PLEC: variants seen among roughly 807,000 people sequenced by gnomAD.
PLEC encodes plectin.
In PLEC, 216 loss-of-function variants were observed where a neutral mutation model predicts 392.8. The ratio of observed to expected loss-of-function variants is 0.55; its 90% CI spans 0.49 to 0.62. The LOEUF (loss-of-function observed/expected upper bound fraction) is 0.62. Among genes scored for constraint, PLEC ranks in the 20% least tolerant of loss-of-function variants. The probability of loss-of-function intolerance (pLI) is 0.00; values close to 1 mark genes in which losing one functional copy is unlikely to be tolerated. For synonymous variants in PLEC, 3,621 were observed against 2,980.6 expected, an observed-to-expected ratio of 1.21 and a Z score of -7.00; for missense variants, 6,863 against 6,563.4, an observed-to-expected ratio of 1.05 and a Z score of -1.58.
At position 143,918,908 on chromosome 8, in the gene PLEC, G is replaced by A. The variant is rs534134741; in HGVS notation, c.10913C>T (p.Ala3638Val). 17 of 1,611,308 alleles carry A rather than the reference G, an allele frequency of 1.1e-5. No individual in the cohort carries two copies. Among genetic ancestry groups the A allele is most frequent in the Non-Finnish European group, 1.3e-5 (15 of 1,180,002 alleles). The change falls in exon 32 of 32, where the codon GCC becomes GTC. Residue 3638 changes from alanine (A) to valine (V), a missense_variant. Coordinates refer to ENST00000345136, the MANE Select transcript of PLEC (RefSeq NM_201384.3). ...KTEIIRQQGL[A>V]SYDYVRRRLT... ...GCGGCGGCGCACGTAGTCGTAGGAG[G>A]CCAGACCCTGCTGGCGGATGATCTC... is the stretch of plus-strand genomic sequence containing the variant.
At chr8:143,947,739 G>A (rs1339955154) in intron 1 of PLEC, among the ~76,000 whole-genome samples, 2 of 152,188 alleles carry the variant, frequency 1.3e-5, no homozygotes, top group African/African-American at 4.8e-5. Context: ...AACAGAGCGG[G>A]ACTCCATCTC....
chr8:143,974,821 C>G (rs1265167423), upstream of PLEC, among the ~76,000 whole-genome samples: 4 of 152,246 alleles, frequency 2.6e-5, no homozygotes, highest in African/African-American at 9.6e-5. This position sits in a 1 kb window ranked among gnomAD's most constrained non-coding sequence, Gnocchi z 5.9. Context: ...GGTACCCCCT[C>G]CCTATACACT....
At chr8:143,975,435 G>A, upstream of PLEC, 1 of 1,432,824 alleles carries the variant, frequency 7.0e-7, no homozygotes, top group Non-Finnish European at 9.7e-7. The surrounding 1 kb of genome is among the most constrained non-coding windows in gnomAD (Gnocchi z 9.9). Context: ...TCTGCACGCC[G>A]ACCCACCCAC....
intron 11 of PLEC, 72 bp from the exon 12 acceptor site, chr8:143,934,163 G>A (rs972213072): frequency 5.2e-5 from 82 of 1,585,696 alleles, no homozygotes; most frequent in Admixed American, 2.2e-4. Context: ...ACTGCAGCTC[G>A]CCTCCCGCTC....
At chr8:143,940,119 T>C (rs78686827), upstream of PLEC, among the ~76,000 whole-genome samples, 29 of 152,304 alleles carry the variant, frequency 1.9e-4, no homozygotes, top group East Asian at 5.6e-3. Context: ...CAGACCTGCA[T>C]GAAGCGGGGA....
intron 18 of PLEC, 21 bp from the exon 19 acceptor site, chr8:143,931,680 C>T: frequency 6.3e-7 from 1 of 1,591,734 alleles, no homozygotes; most frequent in Non-Finnish European, 8.5e-7. Context: ...GGGAGGGGGT[C>T]ACGCCAGGCT....
upstream of PLEC, among the ~76,000 whole-genome samples, chr8:143,954,580 G>C (rs182767060): frequency 3.6e-4 from 55 of 152,262 alleles, no homozygotes; most frequent in Non-Finnish European, 5.6e-4. This position sits in a 1 kb window ranked among gnomAD's most constrained non-coding sequence, Gnocchi z 4.6. Context: ...GGGACCCTTC[G>C]CAGCTGCTCT....
At chr8:143,945,171 GC>G in intron 1 of PLEC, 1 of 461,618 alleles carries the variant, frequency 2.2e-6, no homozygotes. Context: ...ACAGCACCTG[GC>G]CCCACCGGTG....
At position 143,927,432 on chromosome 8, in the gene PLEC, C is replaced by A. The variant is rs376541112; in HGVS notation, c.3734G>T (p.Arg1245Leu). Residue 1245 changes from arginine to leucine, a missense_variant, in exon 27 of 32, where the codon CGG (arginine) becomes CTG (leucine). Transcript: ENST00000345136. ...AMPLADSQAV[R>L]EQLRQEQALL... ...CACCTGCTCCTGCCGCAGCTGCTCC[C>A]GCACAGCCTGGCTGTCGGCCAGCGG... 6.2e-7 allele frequency: 1 copy of A among 1,601,480 alleles called. No individual in the cohort carries two copies.
chr8:143,950,782 G>A (rs1256507357), exon 1 of PLEC: 80 of 1,529,948 alleles, frequency 5.2e-5, no homozygotes, highest in African/African-American at 6.8e-5. Flanking sequence ...GGGGCGCTGC[G>A]AGAAGCTCCC....
Position 143,917,760 on chromosome 8 carries a change from T to G in PLEC, c.12061A>C (p.Lys4021Gln). The part of the protein sequence containing the change: ...VTGYKDPYSG[K>Q]LISLFQAMKK... ...ATGGCCTGGAAGAGGGAGATGAGCT[T>G]CCCAGAGTAGGGGTCCTTGTACCCA... The change falls in exon 32 of 32, where the codon AAG (lysine) becomes CAG (glutamine). Residue 4021 changes from lysine (K) to glutamine (Q), a missense_variant. Lys to Gln is a moderately conservative substitution (Grantham distance 53). Transcript: ENST00000345136. 2 of 1,613,360 alleles carry G rather than the reference T, an allele frequency of 1.2e-6. No individual in the cohort carries two copies. The highest frequency in any genetic ancestry group is 1.7e-5 in the Admixed American group (1 of 60,002).
chr8:143,945,123 G>A (rs932895572), intron 1 of PLEC: 10 of 411,848 alleles, frequency 2.4e-5, no homozygotes, highest in African/African-American at 1.1e-4. Flanking sequence ...AGAAGAGGCC[G>A]CCCATTCTCC....
chr8:143,950,850 G>GCTAT, exon 1 of PLEC: 1 of 1,466,836 alleles, frequency 6.8e-7, no homozygotes, highest in Non-Finnish European at 9.0e-7. Flanking sequence ...AGGCAGGCTG[G>GCTAT]GGTGCTGAGC....
intron 1 of PLEC, chr8:143,950,159 G>T: frequency 6.7e-7 from 1 of 1,481,962 alleles, no homozygotes; most frequent in South Asian, 1.4e-5. Context: ...CACCCATCAT[G>T]ACTTGGGGTC....
At chr8:143,931,753 G>A (rs1827326446) in intron 18 of PLEC, 94 bp from the exon 19 acceptor site, 5 of 1,542,998 alleles carry the variant, frequency 3.2e-6, no homozygotes, top group Non-Finnish European at 4.4e-6. Flanking sequence ...GGGCACTGAG[G>A]AAGGAGTGGC....
At chr8:143,931,324 T>C (rs1554714988) in intron 19 of PLEC, among the ~76,000 whole-genome samples, 1 of 107,922 alleles carries the variant, frequency 9.3e-6, no homozygotes, top group African/African-American at 2.7e-5. Flanking sequence ...CAACTCCTGC[T>C]GGCCCCTCCA....
chr8:143,941,056 C>T (rs1037292395), upstream of PLEC, among the ~76,000 whole-genome samples: 8 of 152,248 alleles, frequency 5.3e-5, no homozygotes, highest in African/African-American at 1.4e-4. Context: ...AAGGGCACCC[C>T]GGACCCCACA....
At chr8:143,971,199 G>A (rs75207384) in intron 1 of PLEC, among the ~76,000 whole-genome samples, 1 of 152,200 alleles carries the variant, frequency 6.6e-6, no homozygotes, top group African/African-American at 2.4e-5. Context: ...GGAGTTGTCT[G>A]TGAGAGGGCA....
chr8:143,929,585 G>C lies in PLEC; in HGVS notation c.2924-14C>G, dbSNP rs782192788. 2.0e-5 allele frequency: 32 copies of C among 1,611,910 alleles called. No homozygotes were observed. The highest frequency in any genetic ancestry group is 2.6e-5 in the Non-Finnish European group (31 of 1,179,902). Reference sequence around the variant, plus strand: ...CTTCCTGTGCACCTGGGGAACACATGTGGGTCACTCCACCGCCCACCTCGC... The same window carrying C: ...CTTCCTGTGCACCTGGGGAACACATCTGGGTCACTCCACCGCCCACCTCGC... On this transcript the variant is annotated splice_polypyrimidine_tract_variant and intron_variant, in intron 23 of 31. Transcript: ENST00000345136.
Sources: gnomAD v4.1 joint callset for allele counts (sites outside exome capture counted in the v4.1 genomes callset) on GRCh38, gnomAD v4.1.1 for gene constraint, Gnocchi (gnomAD v3.1) non-coding constraint, MANE v1.5 for transcripts, NCBI Gene and HGNC (gene_info 2026-07-23, HGNC 2026-07-21) for gene names.